EYA1: variants seen among roughly 807,000 people sequenced by gnomAD.
EYA1 encodes the protein EYA transcriptional coactivator and phosphatase 1, also known as protein phosphatase EYA1.
Under a neutral mutation model 82.0 loss-of-function variants are expected in EYA1, and 16 were observed. That is an observed-to-expected ratio of 0.20 (90% confidence interval 0.13 to 0.30). The LOEUF is 0.30. EYA1 is among the 10% of genes least tolerant of loss of function. The pLI, the probability that EYA1 is intolerant of heterozygous loss-of-function variation, is 1.00. For synonymous variants in EYA1, 261 were observed against 264.4 expected, an observed-to-expected ratio of 0.99 and a Z score of 0.12; for missense variants, 633 against 730.7, an observed-to-expected ratio of 0.87 and a Z score of 1.54.
At chr8:71,474,169 C>T (rs1193032989) in intron 2 of EYA1, among the ~76,000 whole-genome samples, 4 of 141,940 alleles carry the variant, frequency 2.8e-5, no homozygotes, top group African/African-American at 1.1e-4. Flanking sequence ...GCACGTTCTG[C>T]ACATGTATCC....
chr8:71,421,552 T>C (rs961346949), intron 2 of EYA1, among the ~76,000 whole-genome samples: 2 of 152,190 alleles, frequency 1.3e-5, no homozygotes, highest in Non-Finnish European at 2.9e-5. Context: ...CTTACATCTG[T>C]CACTACATGC....
intron 2 of EYA1, among the ~76,000 whole-genome samples, chr8:71,482,598 G>A (rs777125718): frequency 1.6e-4 from 24 of 152,114 alleles, no homozygotes; most frequent in Non-Finnish European, 2.6e-4. Flanking sequence ...GTATGTTCAT[G>A]GTAACATAAT....
At chr8:71,356,537 A>C (rs918478849) in intron 1 of EYA1, 26 bp from the exon 2 acceptor site, 52 of 1,555,752 alleles carry the variant, frequency 3.3e-5, no homozygotes, top group Non-Finnish European at 4.3e-5. Context: ...AAAAAATTAG[A>C]AGATGTTGTT....
intron 11 of EYA1, among the ~76,000 whole-genome samples, chr8:71,259,903 G>T (rs1814893531): frequency 6.6e-6 from 1 of 152,102 alleles, no homozygotes; most frequent in South Asian, 2.1e-4. Context: ...TACTTCCCAA[G>T]ATTTTTATTG....
intron 2 of EYA1, among the ~76,000 whole-genome samples, chr8:71,389,627 A>G (rs1392471674): frequency 3.3e-5 from 5 of 152,200 alleles, no homozygotes; most frequent in African/African-American, 1.2e-4. Context: ...CTTTCTAACA[A>G]AAGATATTAA....
At chr8:71,215,785 T>G (rs1339195870) in intron 14 of EYA1, 57 bp from the exon 15 acceptor site, 1 of 1,162,556 alleles carries the variant, frequency 8.6e-7, no homozygotes, top group Non-Finnish European at 1.3e-6. Flanking sequence ...TTCTTCGGCT[T>G]TGCAAGTAAT....
In EYA1 at chr8:71,302,678, C is replaced by T. The variant is rs537294537; in HGVS notation, c.557-2958G>A. On this transcript the variant is annotated intron_variant, in intron 7 of 17. Transcript: ENST00000340726. Reference sequence around the variant, plus strand: ...AATTTTTCACCACCAGAATCAAGTTCGCAGGGCCACTCCACCTGCCTTCAC... The same window carrying T: ...AATTTTTCACCACCAGAATCAAGTTTGCAGGGCCACTCCACCTGCCTTCAC... Among the ~76,000 whole-genome samples the T allele has an allele frequency of 6.3e-5, 9 of 141,780 alleles. 1 individual carries two copies. In the East Asian group the frequency reaches 1.7e-3, roughly 26 times the overall value. The allele number at this position is 141,780 out of a possible 152,430, so 93.0% of individuals were successfully genotyped here. A position where few individuals can be genotyped will look rare whatever the true frequency, so the allele number is the denominator to read the frequency against.
At chr8:71,261,051 T>G (rs1046398538) in intron 11 of EYA1, among the ~76,000 whole-genome samples, 1 of 152,102 alleles carries the variant, frequency 6.6e-6, no homozygotes, top group Admixed American at 6.6e-5. Flanking sequence ...ACATGAGTGG[T>G]TTATTTTTAA....
chr8:71,419,843 T>A (rs1199690179), intron 2 of EYA1, among the ~76,000 whole-genome samples: 1 of 152,112 alleles, frequency 6.6e-6, no homozygotes, highest in Non-Finnish European at 1.5e-5. Context: ...AAAGATGAAC[T>A]ACAAACTATA....
intron 17 of EYA1, among the ~76,000 whole-genome samples, chr8:71,209,409 A>C (rs1310799891): frequency 1.3e-5 from 2 of 152,226 alleles, no homozygotes; most frequent in Admixed American, 6.5e-5. Flanking sequence ...CTTCACATTG[A>C]GCATGAGGAG....
chr8:71,530,469 C>T (rs777978488), intron 2 of EYA1, among the ~76,000 whole-genome samples: 4 of 152,108 alleles, frequency 2.6e-5, no homozygotes, highest in African/African-American at 7.2e-5. Flanking sequence ...TAAAGATGCT[C>T]GGCTTTAAAA....
At chr8:71,355,946 A>G (rs1826828769) in intron 2 of EYA1, among the ~76,000 whole-genome samples, 1 of 135,164 alleles carries the variant, frequency 7.4e-6, no homozygotes, top group African/African-American at 2.5e-5. Context: ...CATTTACTTT[A>G]TTTTAAACTT....
In EYA1 at chr8:71,228,981, G is replaced by A. The variant is rs193128173; in HGVS notation, c.1141-11958C>T. Among the ~76,000 whole-genome samples the A allele has an allele frequency of 7.9e-4, 120 of 152,264 alleles. 3 individuals carry two copies. Among genetic ancestry groups the A allele is most frequent in the Admixed American group, 5.8e-3 (88 of 15,294 alleles). On this transcript the variant is annotated intron_variant, in intron 12 of 17. Coordinates refer to ENST00000340726, the MANE Select transcript of EYA1 (RefSeq NM_000503.6). ...CCAACAAAGAGCAAAAGCATCTAGC[G>A]GGAGGGGAGACAGGGAATATGTTTT...
Position 71,416,136 on chromosome 8 carries a change from G to C in EYA1, c.34-59625C>G, listed in dbSNP as rs184494940. Among the ~76,000 whole-genome samples, 38 of 152,270 alleles carry C rather than the reference G, an allele frequency of 2.5e-4. No homozygotes were observed. The East Asian group carries it at 6.2e-3, about 25-fold the overall frequency. On this transcript the variant is annotated intron_variant, in intron 2 of 18. Transcript: ENST00000643681. ...ATTCAACCAGTAGAAAGCTCCAGGC[G>C]GATGGTCAGAGGGCAAGAGGAGTGA...
intron 11 of EYA1, among the ~76,000 whole-genome samples, chr8:71,265,847 T>C (rs755362459): frequency 1.3e-5 from 2 of 152,226 alleles, no homozygotes; most frequent in African/African-American, 2.4e-5. Context: ...TCACAAGCTC[T>C]TCAATTTCCT....
chr8:71,319,000 G>A (rs1474063350), intron 6 of EYA1, among the ~76,000 whole-genome samples: 1 of 152,152 alleles, frequency 6.6e-6, no homozygotes, highest in Non-Finnish European at 1.5e-5. Context: ...CAGACAGGTG[G>A]CATGATGGCT....
At chr8:71,237,893 T>G (rs541729920) in intron 12 of EYA1, among the ~76,000 whole-genome samples, 17 of 152,172 alleles carry the variant, frequency 1.1e-4, no homozygotes, top group Non-Finnish European at 2.4e-4. Context: ...AATGCATGGG[T>G]ATAACTAACA....
chr8:71,218,900 G>C (rs544399459), intron 12 of EYA1, among the ~76,000 whole-genome samples: 152 of 152,176 alleles, frequency 1.0e-3, no homozygotes, highest in Middle Eastern at 3.4e-3. Context: ...ACAAAAAGGA[G>C]GAGGAAGTTG....
chr8:71,413,215 A>C (rs1830697916), intron 2 of EYA1, among the ~76,000 whole-genome samples: 1 of 152,214 alleles, frequency 6.6e-6, no homozygotes, highest in Admixed American at 6.5e-5. Flanking sequence ...CTTCATTCTT[A>C]AGAGTCTCTA....
Sources: allele counts gnomAD v4.1 joint callset (sites outside exome capture counted in the v4.1 genomes callset), GRCh38; gene constraint gnomAD v4.1.1; transcripts MANE v1.5; gene names NCBI Gene and HGNC (gene_info 2026-07-23, HGNC 2026-07-21).